The following TNIK variants were observed in gnomAD, a reference collection of about 807,000 sequenced individuals.
TNIK encodes TRAF2 and NCK-interacting protein kinase.
In TNIK, 49 loss-of-function variants were observed where a neutral mutation model predicts 191.3. The ratio of observed to expected loss-of-function variants is 0.26; its 90% CI spans 0.20 to 0.32. The LOEUF (loss-of-function observed/expected upper bound fraction) is 0.32. Among genes scored for constraint, TNIK ranks in the 10% least tolerant of loss-of-function variants. The pLI is 1.00. For synonymous variants in TNIK, 594 were observed against 600.9 expected, an observed-to-expected ratio of 0.99 and a Z score of 0.17; for missense variants, 1,155 against 1,702.3, an observed-to-expected ratio of 0.68 and a Z score of 5.66.
At chr3:171,093,641 C>A (rs918998766) in intron 23 of TNIK, among the ~76,000 whole-genome samples, 198 bp downstream of exon 23, 1 of 152,194 alleles carries the variant, frequency 6.6e-6, no homozygotes, top group Non-Finnish European at 1.5e-5. Context: ...TTAAGTCACA[C>A]TGCCAGAGCT....
chr3:171,408,427 T>C (rs371764399), intron 1 of TNIK, among the ~76,000 whole-genome samples: 1 of 152,148 alleles, frequency 6.6e-6, no homozygotes, highest in South Asian at 2.1e-4. Flanking sequence ...ACTTGCCAAA[T>C]GAAGGTGGCT....
intron 7 of TNIK, among the ~76,000 whole-genome samples, chr3:171,180,804 A>G (rs1051912402): frequency 6.6e-6 from 1 of 152,094 alleles, no homozygotes; most frequent in African/African-American, 2.4e-5. Context: ...AGTATTCACC[A>G]TTTTTCCCCT....
At chr3:171,303,321 C>T (rs889307043) in intron 2 of TNIK, among the ~76,000 whole-genome samples, 2 of 152,126 alleles carry the variant, frequency 1.3e-5, no homozygotes, top group African/African-American at 4.8e-5. Context: ...AAATTCCAGA[C>T]TCTAAATGGC....
At chr3:171,239,008 A>G (rs576665683) in intron 2 of TNIK, among the ~76,000 whole-genome samples, 2 of 152,340 alleles carry the variant, frequency 1.3e-5, no homozygotes, top group South Asian at 2.1e-4. Flanking sequence ...TAAATTTTTA[A>G]AAAACCTAAT....
intron 1 of TNIK, among the ~76,000 whole-genome samples, chr3:171,404,592 A>G (rs1364476233): frequency 2.6e-5 from 4 of 152,116 alleles, no homozygotes; most frequent in African/African-American, 9.7e-5. Flanking sequence ...GCCTTCAGTC[A>G]AAGTCCTGCT....
chr3:171,391,410 A>C (rs1331163390), intron 1 of TNIK, among the ~76,000 whole-genome samples: 1 of 152,174 alleles, frequency 6.6e-6, no homozygotes, highest in Non-Finnish European at 1.5e-5. Flanking sequence ...TCAGGGCATA[A>C]ATTTTCCTCA....
intron 7 of TNIK, among the ~76,000 whole-genome samples, chr3:171,181,591 C>A (rs1736654082): frequency 6.6e-6 from 1 of 152,234 alleles, no homozygotes. Context: ...CTGGGAGCTT[C>A]TGCTTTTCCT....
chr3:171,205,473 A>G (rs1739940706), intron 4 of TNIK, among the ~76,000 whole-genome samples: 1 of 152,208 alleles, frequency 6.6e-6, no homozygotes, highest in Admixed American at 6.5e-5. Context: ...TGTTACCTGC[A>G]GTTAATTGCA....
In TNIK at chr3:171,159,004, G is replaced by A. The variant is rs944435373; in HGVS notation, c.1017-1340C>T. Among the ~76,000 whole-genome samples the A allele has an allele frequency of 6.6e-6, 1 of 152,192 alleles. No individual in the cohort carries two copies. The highest frequency in any genetic ancestry group is 2.1e-4 in the South Asian group (1 of 4,826). ...GAATGAGAGGGAGAAGGGTATGAGA[G>A]GAGGTCAGAGAGATAGGTGCGGGGC... On this transcript the variant is annotated intron_variant, in intron 11 of 32. Coordinates refer to ENST00000436636, the MANE Select transcript of TNIK (RefSeq NM_015028.4). The surrounding 1 kb of genome is among the most constrained non-coding windows in gnomAD (Gnocchi z 4.1).
At position 171,126,170 on chromosome 3, in the gene TNIK, T is replaced by A; in HGVS notation, c.1774-19A>T. 1 of 1,486,170 alleles carries A rather than the reference T, an allele frequency of 6.7e-7. No homozygotes were observed. The highest frequency in any genetic ancestry group is 8.9e-7 in the Non-Finnish European group (1 of 1,121,148). The allele number at this position is 1,486,170 out of a possible 1,614,324, so 92.1% of individuals were successfully genotyped here. A position where few individuals can be genotyped will look rare whatever the true frequency, so the allele number is the denominator to read the frequency against. On this transcript the variant is annotated intron_variant, in intron 16 of 32. Transcript: ENST00000436636. Reference sequence around the variant, plus strand: ...GTGGGATCTAAGCATCAAAACAACATGAAAACAGCACTATTAGAAGAAAAA... The same window carrying A: ...GTGGGATCTAAGCATCAAAACAACAAGAAAACAGCACTATTAGAAGAAAAA...
chr3:171,080,169 A>T (rs1194635374), intron 27 of TNIK, among the ~76,000 whole-genome samples: 2 of 130,272 alleles, frequency 1.5e-5, no homozygotes, highest in Non-Finnish European at 1.8e-5. Flanking sequence ...CAAAAATAGG[A>T]AAAAAAGGAT....
intron 10 of TNIK, among the ~76,000 whole-genome samples, chr3:171,164,708 C>A (rs1734396921): frequency 6.6e-6 from 1 of 152,226 alleles, no homozygotes; most frequent in Non-Finnish European, 1.5e-5. Context: ...GCATGTCTGA[C>A]ACACTGCCCT....
chr3:171,122,792 T>C (rs1411449365), intron 18 of TNIK, among the ~76,000 whole-genome samples: 3 of 152,214 alleles, frequency 2.0e-5, no homozygotes, highest in Non-Finnish European at 4.4e-5. Flanking sequence ...CCATTTGCTA[T>C]TTCAGTTGAT....
intron 14 of TNIK, 77 bp from the exon 15 acceptor site, chr3:171,138,456 A>G: frequency 2.2e-6 from 3 of 1,355,106 alleles, no homozygotes; most frequent in East Asian, 2.6e-5. Context: ...CCAGATAAGC[A>G]TGCAATGGAG....
intron 3 of TNIK, among the ~76,000 whole-genome samples, chr3:171,226,113 C>T (rs7612114): frequency 0.27 from 40,788 of 152,022 alleles, 5,901 homozygotes; most frequent in Middle Eastern, 0.43. Context: ...GCTAATCGAC[C>T]ATTCCAGTAT....
At chr3:171,073,554 G>A (rs531262102) in intron 28 of TNIK, among the ~76,000 whole-genome samples, 1 of 152,182 alleles carries the variant, frequency 6.6e-6, no homozygotes, top group South Asian at 2.1e-4. Context: ...GAGCTTCTGT[G>A]TGGCAAAATA....
chr3:171,329,142 G>T (rs1273008296), intron 2 of TNIK, among the ~76,000 whole-genome samples: 3 of 151,944 alleles, frequency 2.0e-5, no homozygotes, highest in Admixed American at 2.0e-4. Flanking sequence ...TTTCTCTGTA[G>T]TAGCTTCACT....
rs148701118 is a variant in TNIK at position 171,432,014 on chromosome 3, T to C, written c.57+27993A>G. Among the ~76,000 whole-genome samples the C allele has an allele frequency of 2.4e-3, 363 of 152,382 alleles. 3 individuals are homozygous for C. Among genetic ancestry groups the C allele is most frequent in the African/African-American group, 8.1e-3 (335 of 41,596 alleles). On this transcript the variant is annotated intron_variant, in intron 1 of 32. Transcript: ENST00000436636. The stretch of plus-strand genomic sequence containing the variant: ...TCAGAAGAAAACATGCAAAACGTAA[T>C]ATATAAAAATTTTAGTATGCATTTT...
chr3:171,276,177 A>T (rs1364161879), intron 2 of TNIK, among the ~76,000 whole-genome samples: 1 of 151,470 alleles, frequency 6.6e-6, no homozygotes, highest in Non-Finnish European at 1.5e-5. Flanking sequence ...AAAATAGAAC[A>T]AAACATTTTT....
Sources: allele counts gnomAD v4.1 joint callset (sites outside exome capture counted in the v4.1 genomes callset), GRCh38; gene constraint gnomAD v4.1.1; non-coding constraint Gnocchi (gnomAD v3.1); transcripts MANE v1.5; gene names NCBI Gene and HGNC (gene_info 2026-07-23, HGNC 2026-07-21).